Variants in RPAP3 observed in about 807,000 individuals in gnomAD.
The protein encoded by RPAP3 is RNA polymerase II-associated protein 3.
Under a neutral mutation model 88.8 loss-of-function variants are expected in RPAP3, and 58 were observed. That is an observed-to-expected ratio of 0.65 (90% CI 0.53 to 0.81). RPAP3 has a LOEUF of 0.81. Among genes scored for constraint, RPAP3 ranks in the 40% least tolerant of loss-of-function variants. RPAP3 has a pLI of 0.00. For missense variants in RPAP3, 751 were observed against 764.3 expected (o/e 0.98, Z 0.20); for synonymous variants, 255 against 259.9 (o/e 0.98, Z 0.18).
intron 4 of RPAP3, 63 bp downstream of exon 4, chr12:47,697,534 A>G (rs1939556617): frequency 7.5e-6 from 11 of 1,469,802 alleles, no homozygotes; most frequent in South Asian, 3.8e-5. Flanking sequence ...AAACTTTACG[A>G]TCCACATGAT....
chr12:47,684,750 C>T (rs1469021009), intron 9 of RPAP3, among the ~76,000 whole-genome samples: 1 of 152,196 alleles, frequency 6.6e-6, no homozygotes, highest in Non-Finnish European at 1.5e-5. Flanking sequence ...GTCAAACCAA[C>T]GAACTCAGGC....
chr12:47,677,193 T>C (rs1047790459), intron 12 of RPAP3, among the ~76,000 whole-genome samples: 4 of 152,076 alleles, frequency 2.6e-5, no homozygotes, highest in African/African-American at 7.2e-5. Context: ...AATTCAACAG[T>C]GCTTCATGCT....
At chr12:47,685,125 T>C (rs1939296544) in intron 9 of RPAP3, among the ~76,000 whole-genome samples, 1 of 152,216 alleles carries the variant, frequency 6.6e-6, no homozygotes, top group Non-Finnish European at 1.5e-5. Context: ...CTGCCTGTAA[T>C]CCCAGCACTC....
chr12:47,680,455 G>A (rs139696511), intron 10 of RPAP3, among the ~76,000 whole-genome samples: 38 of 151,808 alleles, frequency 2.5e-4, no homozygotes, highest in East Asian at 9.6e-4. Flanking sequence ...TAAATTTAAC[G>A]TTACATATTT....
At chr12:47,663,623 CT>C in intron 16 of RPAP3, 33 bp from the exon 17 acceptor site, 1 of 1,345,456 alleles carries the variant, frequency 7.4e-7, no homozygotes, top group South Asian at 1.4e-5. Flanking sequence ...CCATTTTAAT[CT>C]CATTTTTTAA....
At chr12:47,670,495 A>T in intron 12 of RPAP3, 150 bp from the exon 13 acceptor site, 1 of 600,788 alleles carries the variant, frequency 1.7e-6, no homozygotes, top group South Asian at 2.1e-5. Flanking sequence ...GAAGTCTGAG[A>T]ATACAAAAAT....
intron 9 of RPAP3, 110 bp downstream of exon 9, chr12:47,686,670 G>A (rs1264569005): frequency 3.9e-6 from 3 of 770,066 alleles, no homozygotes; most frequent in Admixed American, 5.7e-5. Context: ...ATTGGCATGT[G>A]AGCTAACCTA....
In RPAP3 at chr12:47,669,043, T is replaced by G. The variant is rs1349506887; in HGVS notation, c.1586A>C (p.Glu529Ala). Residue 529 changes from glutamate (E) to alanine (A), a missense_variant, in exon 14 of 17, where the codon GAG (glutamate) becomes GCG (alanine). Physicochemically the swap from Glu to Ala is moderately radical, Grantham distance 107 (BLOSUM62 -1). Transcript: ENST00000005386. ...AAACTGAGCAGGTTTTTGTTCTATCTCTATGGGCATTTTCTCGCTGTAAGA... is the reference window on the plus strand; with the variant it reads ...AAACTGAGCAGGTTTTTGTTCTATCGCTATGGGCATTTTCTCGCTGTAAGA... ...CQSYSEKMPI[E>A]IEQKPAQFAT... The G allele has an allele frequency of 6.2e-7, 1 of 1,613,906 alleles. No homozygotes were observed. Among genetic ancestry groups the G allele is most frequent in the Admixed American group, 1.7e-5 (1 of 60,008 alleles).
chr12:47,662,332 GCATT>G lies in RPAP3; in HGVS notation c.*1169_*1172del, dbSNP rs1420810937. ...TAAACTCTATCAAGTGTATTTTAAA[GCATT>G]CAAACTATCCAAATTACAAACATAT... On this transcript the variant is annotated 3_prime_UTR_variant, in exon 17 of 17. Coordinates refer to ENST00000005386, the MANE Select transcript of RPAP3 (RefSeq NM_024604.3). The G allele has an allele frequency of 6.6e-6, 1 of 152,110 alleles. No individual in the cohort carries two copies. The highest frequency in any genetic ancestry group is 1.5e-5 in the Non-Finnish European group (1 of 68,028). 9.4% of individuals were successfully genotyped at this position (152,110 alleles called of 1,614,324 possible).
chr12:47,676,101 C>A (rs1235294295), intron 12 of RPAP3, among the ~76,000 whole-genome samples: 1 of 152,220 alleles, frequency 6.6e-6, no homozygotes, highest in African/African-American at 2.4e-5. Context: ...TCACTCAAAA[C>A]TGCACAACTG....
chr12:47,699,198 T>C (rs1939597698), intron 3 of RPAP3, among the ~76,000 whole-genome samples: 1 of 152,230 alleles, frequency 6.6e-6, no homozygotes, highest in African/African-American at 2.4e-5. Context: ...CAGTACAATC[T>C]TGATGGCATT....
chr12:47,670,715 T>C (rs959651859), intron 12 of RPAP3, among the ~76,000 whole-genome samples: 8 of 151,978 alleles, frequency 5.3e-5, no homozygotes, highest in African/African-American at 1.9e-4. Flanking sequence ...GCACAGTCAG[T>C]GGAAAGGTGA....
intron 9 of RPAP3, among the ~76,000 whole-genome samples, chr12:47,685,378 C>CAAAAA (rs11416118): frequency 7.7e-6 from 1 of 130,432 alleles, no homozygotes. Context: ...GACTCTGTCT[C>CAAAAA]AAAAAAAAAA....
chr12:47,701,542 A>G lies in RPAP3; in HGVS notation c.216T>C (p.Ser72=). ...RKKKKGKAKE[S]SKKTREENTK... ...TGTTTTCCTCTCTGGTTTTTTTGGA[A>G]GACTCTTTAGCTTTGCCTTTCTTCT... The change falls in exon 3 of 17, where the codon TCT becomes TCC. Residue 72 remains serine (S), a synonymous_variant. Transcript: ENST00000005386. 6.2e-7 allele frequency: 1 copy of G among 1,604,048 alleles called. No homozygotes were observed. The highest frequency in any genetic ancestry group is 1.1e-5 in the South Asian group (1 of 88,852).
In RPAP3 at chr12:47,701,657, T is replaced by C. The variant is rs998823863; in HGVS notation, c.154-53A>G. 381 of 1,336,948 alleles carry C rather than the reference T, an allele frequency of 2.8e-4. 1 individual carries two copies. The highest frequency in any genetic ancestry group is 3.5e-4 in the Non-Finnish European group (352 of 1,007,638). 82.8% of individuals were successfully genotyped at this position (1,336,948 alleles called of 1,614,324 possible). ...TGTGAGTATTATGCTCTGTTACTCT[T>C]TGTATAACTAGCTATGTTTAAAATT... On this transcript the variant is annotated intron_variant, in intron 2 of 16. Transcript: ENST00000005386.
rs189958680 is a variant in RPAP3 at position 47,702,903 on chromosome 12, T to C, written c.-6-57A>G. ...AGAATAGGCCTATTTGGTTTATTTT[T>C]CTGAAAGCTAGCTAATTATCTTTTA... On this transcript the variant is annotated intron_variant, in intron 1 of 16. Coordinates refer to ENST00000005386, the MANE Select transcript of RPAP3 (RefSeq NM_024604.3). 36 of 1,414,470 alleles carry C rather than the reference T, an allele frequency of 2.5e-5. No individual in the cohort carries two copies. The African/African-American group carries it at 4.5e-4, about 18-fold the overall frequency. 87.6% of individuals were successfully genotyped at this position (1,414,470 alleles called of 1,614,324 possible).
In RPAP3 at chr12:47,679,563, ACAT is replaced by A; in HGVS notation, c.1214_1216del (p.Asp405del). 2 of 1,605,998 alleles carry A rather than the reference ACAT, an allele frequency of 1.2e-6. No homozygotes were observed. The highest frequency in any genetic ancestry group is 1.7e-6 in the Non-Finnish European group (2 of 1,175,258). On this transcript the variant is annotated inframe_deletion, in exon 12 of 17. Transcript: ENST00000005386. Reference sequence around the variant, plus strand: ...TTGTCTTTGTGTGGAATCAAGAAAGACATCATCCCAGTGTCCTTTCTCAATTAA... The same window carrying A: ...TTGTCTTTGTGTGGAATCAAGAAAGACATCCCAGTGTCCTTTCTCAATTAA...
Position 47,684,264 on chromosome 12 carries a change from C to T in RPAP3, c.993-2447G>A, listed in dbSNP as rs138372785. 3.1e-4 allele frequency among the ~76,000 whole-genome samples: 47 copies of T among 152,314 alleles called. 1 individual carries two copies. Among genetic ancestry groups the T allele is most frequent in the African/African-American group, 1.1e-3 (46 of 41,564 alleles). ...AAACTACTAATTTAGACTATCACCT[C>T]CAGAAAGCACATTCTCTAGGAATCC... On this transcript the variant is annotated intron_variant, in intron 9 of 16. Transcript: ENST00000005386.
At chr12:47,688,672 T>C (rs1939371968) in intron 7 of RPAP3, among the ~76,000 whole-genome samples, 1 of 152,184 alleles carries the variant, frequency 6.6e-6, no homozygotes, top group South Asian at 2.1e-4. Context: ...CAGTCATTAT[T>C]TGACCTAAGG....
Sources: allele counts gnomAD v4.1 joint callset (sites outside exome capture counted in the v4.1 genomes callset), GRCh38; gene constraint gnomAD v4.1.1; transcripts MANE v1.5; gene names NCBI Gene and HGNC (gene_info 2026-07-23, HGNC 2026-07-21).